Variants in ERAP1 observed in about 807,000 individuals in gnomAD.
ERAP1 encodes the protein adipocyte-derived leucine aminopeptidase.
Under a neutral mutation model 103.7 loss-of-function variants are expected in ERAP1, and 86 were observed. The ratio of observed to expected loss-of-function variants is 0.83; its 90% CI spans 0.70 to 0.99. The LOEUF is 0.99. Among genes scored for constraint, ERAP1 ranks in the 50% least tolerant of loss-of-function variants. The pLI, the probability that ERAP1 is intolerant of heterozygous loss-of-function variation, is 0.00. For synonymous variants in ERAP1, 398 were observed against 402.4 expected (o/e 0.99, Z 0.13); for missense variants, 1,009 against 1,128.4 (o/e 0.89, Z 1.52).
At chr5:96,918,651 A>G in the ERAP1 span, 1 of 152,208 alleles carries the variant, frequency 6.6e-6, no homozygotes, top group Non-Finnish European at 1.5e-5. Flanking sequence ...TTCATGAAGT[A>G]CCTCAAGGGT....
chr5:96,858,396 G>A, the ERAP1 span, among the ~76,000 whole-genome samples: 2 of 151,922 alleles, frequency 1.3e-5, no homozygotes, highest in African/African-American at 4.8e-5. Context: ...TGTATTTTTA[G>A]TAGAGACAGA....
At chr5:96,768,188 A>G (rs1189798974) in intron 19 of ERAP1, among the ~76,000 whole-genome samples, 1 of 152,080 alleles carries the variant, frequency 6.6e-6, no homozygotes, top group Non-Finnish European at 1.5e-5. Flanking sequence ...GGCTCAAGCA[A>G]TCCTCCTACC....
At chr5:96,869,075 A>C in the ERAP1 span, among the ~76,000 whole-genome samples, 5 of 151,582 alleles carry the variant, frequency 3.3e-5, no homozygotes, top group Non-Finnish European at 7.4e-5. Flanking sequence ...CCACTAGATG[A>C]AGCTCCTGCT....
At chr5:96,869,507 T>C in the ERAP1 span, among the ~76,000 whole-genome samples, 4 of 152,356 alleles carry the variant, frequency 2.6e-5, no homozygotes, top group Admixed American at 2.6e-4. Context: ...ACAGATTTAT[T>C]AGAAAATAAC....
At chr5:96,787,855 C>A (rs1776266210) in intron 11 of ERAP1, among the ~76,000 whole-genome samples, 1 of 149,310 alleles carries the variant, frequency 6.7e-6, no homozygotes, top group Non-Finnish European at 1.5e-5. Context: ...TATATCCACA[C>A]AAACATATAC....
At chr5:96,818,195 A>C in the ERAP1 span, among the ~76,000 whole-genome samples, 7 of 152,300 alleles carry the variant, frequency 4.6e-5, no homozygotes, top group African/African-American at 1.7e-4. Flanking sequence ...ATTGCCAAAA[A>C]TCAAGTTATC....
chr5:96,891,519 C>T, the ERAP1 span, among the ~76,000 whole-genome samples: 1 of 27,486 alleles, frequency 3.6e-5, no homozygotes, highest in African/African-American at 1.5e-4. Flanking sequence ...ATATATATGC[C>T]CATATACGGT....
At chr5:96,868,893 T>C in the ERAP1 span, among the ~76,000 whole-genome samples, 1 of 152,220 alleles carries the variant, frequency 6.6e-6, no homozygotes, top group Admixed American at 6.5e-5. Context: ...TCACCCCCAG[T>C]CCTCAACTTC....
chr5:96,771,839 A>G, downstream of ERAP1: 1 of 521,042 alleles, frequency 1.9e-6, no homozygotes, highest in Non-Finnish European at 3.5e-6. Context: ...GCATACTGCA[A>G]GATCTACAGA....
At chr5:96,865,771 C>T in the ERAP1 span, among the ~76,000 whole-genome samples, 2 of 152,128 alleles carry the variant, frequency 1.3e-5, no homozygotes, top group Admixed American at 6.6e-5. Flanking sequence ...TAATCTAGTT[C>T]CACAGCATAC....
At chr5:96,807,655 C>T (rs1778791688) in intron 1 of ERAP1, among the ~76,000 whole-genome samples, 1 of 152,152 alleles carries the variant, frequency 6.6e-6, no homozygotes, top group Non-Finnish European at 1.5e-5. Flanking sequence ...CCCCGCCCTT[C>T]CCGCGCCCTG....
the ERAP1 span, among the ~76,000 whole-genome samples, chr5:96,860,070 T>C: frequency 6.6e-6 from 1 of 152,206 alleles, no homozygotes; most frequent in Non-Finnish European, 1.5e-5. Flanking sequence ...TTTATTTATT[T>C]ATTTAATTTT....
chr5:96,889,225 A>G, the ERAP1 span: 7 of 1,614,036 alleles, frequency 4.3e-6, no homozygotes, highest in African/African-American at 9.3e-5. Flanking sequence ...AATCAAACAC[A>G]TTATGCTTTG....
the ERAP1 span, chr5:96,879,908 C>T: frequency 1.2e-6 from 2 of 1,613,940 alleles, no homozygotes; most frequent in Non-Finnish European, 1.7e-6. Context: ...TGTGGTCATT[C>T]CTCTCCATTA....
At chr5:96,913,885 AC>A in the ERAP1 span, among the ~76,000 whole-genome samples, 1 of 152,054 alleles carries the variant, frequency 6.6e-6, no homozygotes, top group Non-Finnish European at 1.5e-5. Context: ...GCTACTCCTC[AC>A]CCCTAGAGCC....
chr5:96,901,783 T>C, the ERAP1 span: 13 of 1,195,880 alleles, frequency 1.1e-5, no homozygotes, highest in South Asian at 1.8e-4. Context: ...AGGATGCTAG[T>C]TCCATATAAG....
At chr5:96,926,810 T>TTTTG in the ERAP1 span, among the ~76,000 whole-genome samples, 610 of 152,254 alleles carry the variant, frequency 4.0e-3, 6 homozygotes, top group African/African-American at 0.014. Flanking sequence ...CATCTACCAT[T>TTTTG]TTTGTTTGTT....
the ERAP1 span, chr5:96,918,475 G>T: frequency 6.6e-6 from 1 of 152,320 alleles, no homozygotes; most frequent in East Asian, 1.9e-4. Flanking sequence ...AAGGCCTTTT[G>T]GGTTAAGCCT....
chr5:96,905,016 T>G, the ERAP1 span, among the ~76,000 whole-genome samples: 2 of 152,226 alleles, frequency 1.3e-5, no homozygotes, highest in African/African-American at 2.4e-5. Flanking sequence ...AATTTTCCAG[T>G]CTTTAAAACT....
Sources: allele counts gnomAD v4.1 joint callset (sites outside exome capture counted in the v4.1 genomes callset), GRCh38; gene constraint gnomAD v4.1.1; transcripts MANE v1.5; gene names NCBI Gene and HGNC (gene_info 2026-07-23, HGNC 2026-07-21).